The following ANKRD30B variants were observed in gnomAD, a reference collection of about 807,000 sequenced individuals.
The protein encoded by ANKRD30B is ankyrin repeat domain 30B.
A neutral mutation model predicts 202.2 loss-of-function variants in ANKRD30B; 144 were observed. The ratio of observed to expected loss-of-function variants is 0.71; its 90% CI spans 0.62 to 0.82. ANKRD30B has a LOEUF of 0.82. Ranked by LOEUF, ANKRD30B falls within the 40% of genes least tolerant of loss-of-function variation. ANKRD30B has a pLI of 0.00. For synonymous variants in ANKRD30B, 508 were observed against 561.3 expected (o/e 0.91, Z 1.34); for missense variants, 1,487 against 1,669.1 (o/e 0.89, Z 1.90).
chr18:14,889,977 A>G, the ANKRD30B span: 3 of 889,530 alleles, frequency 3.4e-6, no homozygotes, highest in African/African-American at 1.7e-5. Context: ...TAAGCGATCA[A>G]TTATCAATAC....
At chr18:14,935,273 A>G in the ANKRD30B span, among the ~76,000 whole-genome samples, 1 of 152,196 alleles carries the variant, frequency 6.6e-6, no homozygotes, top group South Asian at 2.1e-4. Context: ...CACTTTCCTC[A>G]CTTAGAGGAT....
chr18:14,917,842 C>G, the ANKRD30B span, among the ~76,000 whole-genome samples: 4 of 152,208 alleles, frequency 2.6e-5, no homozygotes, highest in Non-Finnish European at 4.4e-5. Context: ...CATCTGGGCT[C>G]AGATTTATTG....
intron 11 of ANKRD30B, among the ~76,000 whole-genome samples, chr18:14,780,918 G>GT (rs1967690603): frequency 1.8e-5 from 2 of 111,652 alleles, no homozygotes; most frequent in African/African-American, 6.6e-5. Context: ...CTTTGGGTCC[G>GT]TTTGTGGTAG....
the ANKRD30B span, among the ~76,000 whole-genome samples, chr18:14,940,108 G>A: frequency 6.6e-6 from 1 of 152,176 alleles, no homozygotes; most frequent in African/African-American, 2.4e-5. Context: ...TTTTAAAATA[G>A]GGGTACGTAT....
At chr18:14,848,073 C>A (rs1215379804) in intron 39 of ANKRD30B, among the ~76,000 whole-genome samples, 1 of 152,098 alleles carries the variant, frequency 6.6e-6, no homozygotes, top group Non-Finnish European at 1.5e-5. Flanking sequence ...TAGGTTCCAC[C>A]TCAGTTTTTG....
the ANKRD30B span, among the ~76,000 whole-genome samples, chr18:14,868,676 A>T: frequency 1.9e-3 from 297 of 152,348 alleles, no homozygotes; most frequent in Middle Eastern, 3.4e-3. Context: ...GACCGGTATC[A>T]CTTGTATCAT....
At chr18:14,749,735 G>C (rs1311505602) in intron 1 of ANKRD30B, among the ~76,000 whole-genome samples, 1 of 145,740 alleles carries the variant, frequency 6.9e-6, no homozygotes, top group Non-Finnish European at 1.5e-5. Flanking sequence ...TGAAAAGACA[G>C]GTAAATGAAT....
intron 4 of ANKRD30B, among the ~76,000 whole-genome samples, chr18:14,756,879 G>A (rs1371330068): frequency 3.3e-5 from 5 of 152,042 alleles, no homozygotes; most frequent in East Asian, 3.9e-4. Flanking sequence ...GTAATAGAGC[G>A]AGATTCTGTC....
the ANKRD30B span, among the ~76,000 whole-genome samples, chr18:14,924,105 G>GAC: frequency 6.6e-6 from 1 of 152,214 alleles, no homozygotes; most frequent in Admixed American, 6.5e-5. Flanking sequence ...TGTCACCTCT[G>GAC]ACACTTGCTT....
chr18:14,800,334 G>C (rs1221016261), intron 22 of ANKRD30B, among the ~76,000 whole-genome samples: 7 of 149,566 alleles, frequency 4.7e-5, no homozygotes, highest in Non-Finnish European at 1.0e-4. Flanking sequence ...TTGATATGGC[G>C]TCTCGCTGTC....
At position 14,804,613 on chromosome 18, in the gene ANKRD30B, G is replaced by A. The variant is rs531426725; in HGVS notation, c.2284+789G>A. Among the ~76,000 whole-genome samples the A allele has an allele frequency of 2.0e-5, 3 of 150,830 alleles. No homozygotes were observed. The East Asian group carries it at 5.8e-4, about 29-fold the overall frequency. On this transcript the variant is annotated intron_variant, in intron 24 of 43. Coordinates refer to ENST00000690538, the MANE Select transcript of ANKRD30B (RefSeq NM_001367607.2). ...AGAGACCTTTGTGGGAAAAAATGTG[G>A]AAGAAGGGCCATTGGGTAGAAGGTC... is the stretch of plus-strand genomic sequence containing the variant.
At position 14,808,388 on chromosome 18, in the gene ANKRD30B, T is replaced by C. The variant is rs557843153; in HGVS notation, c.2285-163T>C. On this transcript the variant is annotated intron_variant, in intron 24 of 43. Coordinates refer to ENST00000690538, the MANE Select transcript of ANKRD30B (RefSeq NM_001367607.2). ...TTTTCTTAAGTATATTTCTGTCCCA[T>C]TGGCATGTTAACAAATACAAAAACC... 1.0e-4 allele frequency: 76 copies of C among 733,972 alleles called. 5 individuals are homozygous for C. The African/African-American group carries it at 1.0e-3, about 10-fold the overall frequency. 45.5% of individuals were successfully genotyped at this position (733,972 alleles called of 1,614,324 possible). A position where few individuals can be genotyped will look rare whatever the true frequency, so the allele number is the denominator to read the frequency against.
chr18:14,892,419 T>A, the ANKRD30B span, among the ~76,000 whole-genome samples: 1 of 152,204 alleles, frequency 6.6e-6, no homozygotes, highest in Admixed American at 6.5e-5. Context: ...GCCTGTCTAT[T>A]GCCCACTATT....
the ANKRD30B span, among the ~76,000 whole-genome samples, chr18:14,935,807 A>C: frequency 6.6e-6 from 1 of 152,140 alleles, no homozygotes; most frequent in Admixed American, 6.5e-5. Flanking sequence ...ACTGCCTTTT[A>C]TGTATTTTGG....
intron 11 of ANKRD30B, among the ~76,000 whole-genome samples, chr18:14,781,349 C>T (rs1268209777): frequency 1.1e-5 from 1 of 94,756 alleles, no homozygotes; most frequent in Non-Finnish European, 2.0e-5. Flanking sequence ...GGCTGGAGTG[C>T]AGTGGCTGGA....
intron 33 of ANKRD30B, among the ~76,000 whole-genome samples, chr18:14,830,836 G>A (rs1970887219): frequency 6.6e-6 from 1 of 152,150 alleles, no homozygotes; most frequent in Admixed American, 6.5e-5. Flanking sequence ...AGTGTTCATT[G>A]GATGTTACAG....
the ANKRD30B span, among the ~76,000 whole-genome samples, chr18:14,860,257 C>G: frequency 7.3e-6 from 1 of 136,438 alleles, no homozygotes; most frequent in East Asian, 2.3e-4. Context: ...AAGGCGCTCC[C>G]CACTTCCCAG....
At chr18:14,793,651 T>G (rs562506364) in intron 16 of ANKRD30B, among the ~76,000 whole-genome samples, 2 of 152,204 alleles carry the variant, frequency 1.3e-5, no homozygotes, top group Admixed American at 6.5e-5. Flanking sequence ...TCCCAGCACT[T>G]TGGGAGGCCG....
At chr18:14,888,922 A>G in the ANKRD30B span, 1 of 1,070,512 alleles carries the variant, frequency 9.3e-7, no homozygotes, top group Non-Finnish European at 1.3e-6. Flanking sequence ...AAACAAACAA[A>G]CAAACATGTT....
Sources: allele counts gnomAD v4.1 joint callset (sites outside exome capture counted in the v4.1 genomes callset), GRCh38; gene constraint gnomAD v4.1.1; transcripts MANE v1.5; gene names NCBI Gene and HGNC (gene_info 2026-07-23, HGNC 2026-07-21).